Variants in SLC18B1 observed in about 807,000 individuals in gnomAD.
SLC18B1 encodes solute carrier family 18 member B1.
In SLC18B1, 62 loss-of-function variants were observed where a neutral mutation model predicts 53.9. That is an observed-to-expected ratio of 1.15 (90% confidence interval 0.94 to 1.42). The LOEUF (loss-of-function observed/expected upper bound fraction) is 1.42, where lower values mean the gene tolerates loss of function less well. Among genes scored for constraint, SLC18B1 ranks in the 40% most tolerant of loss-of-function variants. SLC18B1 has a pLI of 0.00. For synonymous variants in SLC18B1, 217 were observed against 200.9 expected (o/e 1.08, Z -0.68); for missense variants, 598 against 547.3 (o/e 1.09, Z -0.93).
chr6:132,786,840 A>G (rs979797160), intron 5 of SLC18B1, among the ~76,000 whole-genome samples: 4 of 152,246 alleles, frequency 2.6e-5, no homozygotes, highest in African/African-American at 9.6e-5. Context: ...TGAGAATCTG[A>G]TATGTCACTA....
chr6:132,792,292 G>GAAAGAAAGAAAGAAGGA (rs1781559322), intron 2 of SLC18B1, among the ~76,000 whole-genome samples: 1 of 31,594 alleles, frequency 3.2e-5, no homozygotes, highest in Non-Finnish European at 5.6e-5. Flanking sequence ...AGGAAGAAAG[G>GAAAGAAAGAAAGAAGGA]AAGGAAGGAA....
intron 2 of SLC18B1, among the ~76,000 whole-genome samples, chr6:132,793,407 C>T (rs1267482347): frequency 1.3e-5 from 2 of 152,212 alleles, no homozygotes; most frequent in Non-Finnish European, 2.9e-5. Context: ...CTCTCTCCTG[C>T]CTCTATCTCC....
chr6:132,784,164 A>C (rs7762248), intron 5 of SLC18B1, 75 bp from the exon 6 acceptor site: 81,937 of 1,252,940 alleles, frequency 0.065, 4,962 homozygotes, highest in African/African-American at 0.31. Context: ...CTTTAAAAAA[A>C]TTTCTATCTT....
Position 132,783,997 on chromosome 6 carries a change from A to G in SLC18B1, c.594T>C (p.Phe198=), listed in dbSNP as rs778709465. The part of the protein sequence containing the change: ...LYQSFGYEVP[F]IVLGCVVLLM... ...GCAAAACGACGCATCCCAGAACAAT[A>G]AAAGGCACTTCATAGCCAAAGGATT... Residue 198 remains phenylalanine (F), a synonymous_variant, in exon 6 of 14, where the codon TTT becomes TTC. Coordinates refer to ENST00000275227, the MANE Select transcript of SLC18B1 (RefSeq NM_052831.3). 7.4e-6 allele frequency: 12 copies of G among 1,611,004 alleles called. No homozygotes were observed. The East Asian group carries it at 2.5e-4, about 33-fold the overall frequency.
Position 132,779,353 on chromosome 6 carries a change from A to G in SLC18B1, c.710T>C (p.Val237Ala), listed in dbSNP as rs747717785. 2 of 1,614,038 alleles carry G rather than the reference A, an allele frequency of 1.2e-6. No individual in the cohort carries two copies. Among genetic ancestry groups the G allele is most frequent in the South Asian group, 1.1e-5 (1 of 91,068 alleles). Reference protein sequence around the residue: ...SFWKLIALPKVGLIAFVINSL... With the variant: ...SFWKLIALPKAGLIAFVINSL... ...GTTGATGACGAAGGCTATAAGGCCA[A>G]CTTTGGGTAAAGCGATCAGTTTCCA... is the stretch of plus-strand genomic sequence containing the variant. Residue 237 changes from valine (V) to alanine (A), a missense_variant, in exon 7 of 14, where the codon GTT becomes GCT. Physicochemically the swap from Val to Ala is moderately conservative, Grantham distance 64. Transcript: ENST00000275227.
At chr6:132,795,565 TTTTGTAACACACAGAA>T (rs1216924454) in intron 2 of SLC18B1, among the ~76,000 whole-genome samples, 4 of 152,234 alleles carry the variant, frequency 2.6e-5, no homozygotes, top group African/African-American at 9.6e-5. Flanking sequence ...CTTTATCTTC[TTTTGTAACACACAGAA>T]CGAAGGACTA....
intron 13 of SLC18B1, 31 bp downstream of exon 13, chr6:132,770,859 G>T: frequency 6.3e-7 from 1 of 1,583,840 alleles, no homozygotes; most frequent in Non-Finnish European, 8.6e-7. Flanking sequence ...AACTTTTAAA[G>T]AGAGAAAAAA....
intron 6 of SLC18B1, 34 bp from the exon 7 acceptor site, chr6:132,779,438 T>A (rs754719893): frequency 3.8e-6 from 6 of 1,561,776 alleles, no homozygotes; most frequent in South Asian, 3.5e-5. Context: ...AAAAAAAAAA[T>A]GAAAGCAATT....
Position 132,771,030 on chromosome 6 carries a change from A to G in SLC18B1, c.1254+6T>C. The stretch of plus-strand genomic sequence containing the variant: ...GGAAAATGCAAATAAAAGACTGATT[A>G]CTCACACTTATCAGAGCCCATAGAC... On this transcript the variant is annotated splice_donor_region_variant and intron_variant, in intron 12 of 13. Coordinates refer to ENST00000275227, the MANE Select transcript of SLC18B1 (RefSeq NM_052831.3). 2 of 1,611,844 alleles carry G rather than the reference A, an allele frequency of 1.2e-6. No individual in the cohort carries two copies. The highest frequency in any genetic ancestry group is 1.7e-5 in the Admixed American group (1 of 59,356).
At position 132,769,456 on chromosome 6, in the gene SLC18B1, T is replaced by C. The variant is rs1018154488; in HGVS notation, c.*814A>G. 8 of 152,100 alleles carry C rather than the reference T, an allele frequency of 5.3e-5. No homozygotes were observed. In the East Asian group the frequency reaches 1.5e-3, roughly 29 times the overall value. 9.4% of individuals were successfully genotyped at this position (152,100 alleles called of 1,614,324 possible). ...AAGCCCTTCCCTAACAAAACAAGCA[T>C]TCGCATTAGGGGAAGGAGGCTGACC... On this transcript the variant is annotated 3_prime_UTR_variant, in exon 14 of 14. Transcript: ENST00000275227.
intron 4 of SLC18B1, among the ~76,000 whole-genome samples, chr6:132,788,828 G>GA (rs1158922120): frequency 0.18 from 12,444 of 70,276 alleles, 1,640 homozygotes; most frequent in African/African-American, 0.4. Flanking sequence ...ATCTCAAAAA[G>GA]AAAAAAAAAA....
chr6:132,785,121 G>T (rs1162829546), intron 5 of SLC18B1, among the ~76,000 whole-genome samples: 1 of 84,934 alleles, frequency 1.2e-5, no homozygotes, highest in Non-Finnish European at 2.2e-5. Flanking sequence ...CTCTCTCAGT[G>T]TGTGTGTGTG....
chr6:132,794,904 T>C (rs1781632419), intron 2 of SLC18B1, among the ~76,000 whole-genome samples: 1 of 152,252 alleles, frequency 6.6e-6, no homozygotes, highest in East Asian at 1.9e-4. Flanking sequence ...CTCAGGGGGC[T>C]GAGGCGAAAG....
chr6:132,777,553 A>G (rs1177279259), intron 7 of SLC18B1, among the ~76,000 whole-genome samples: 2 of 152,096 alleles, frequency 1.3e-5, no homozygotes, highest in East Asian at 1.9e-4. Flanking sequence ...TTCTACTAAA[A>G]CTACAGAAAA....
chr6:132,793,077 T>C (rs1781590751), intron 2 of SLC18B1, among the ~76,000 whole-genome samples: 1 of 152,120 alleles, frequency 6.6e-6, no homozygotes, highest in South Asian at 2.1e-4. Context: ...GCTGAGACGA[T>C]GCCGCAGCAC....
chr6:132,789,771 G>T lies in SLC18B1; in HGVS notation c.346C>A (p.Leu116Ile). The change falls in exon 4 of 14, where the codon CTC (leucine) becomes ATC (isoleucine). Residue 116 changes from leucine (L) to isoleucine (I), a missense_variant. Physicochemically the swap from Leu to Ile is conservative, Grantham distance 5 (BLOSUM62 2). Coordinates refer to ENST00000275227, the MANE Select transcript of SLC18B1 (RefSeq NM_052831.3). ...GMFVSGGVTILFGVLDRVPDG... is the reference protein window; with the variant it reads ...GMFVSGGVTIIFGVLDRVPDG... ...AATCAGAAAATGACTTACCCAAAGA[G>T]AATTGTAACTCCTCCTGAGACAAAC... 6.2e-7 allele frequency: 1 copy of T among 1,611,596 alleles called. No homozygotes were observed. The highest frequency in any genetic ancestry group is 8.5e-7 in the Non-Finnish European group (1 of 1,177,830).
At chr6:132,777,848 A>G (rs923727501) in intron 7 of SLC18B1, among the ~76,000 whole-genome samples, 1 of 152,260 alleles carries the variant, frequency 6.6e-6, no homozygotes, top group African/African-American at 2.4e-5. Context: ...CAGGTTGTTG[A>G]TGATCTAAAT....
chr6:132,771,319 T>G (rs921248733), intron 11 of SLC18B1, among the ~76,000 whole-genome samples, 190 bp from the exon 12 acceptor site: 20 of 152,196 alleles, frequency 1.3e-4, no homozygotes, highest in Non-Finnish European at 2.9e-5. Flanking sequence ...TTCAAAATTT[T>G]TTAACAATTT....
At chr6:132,779,173 G>T in intron 7 of SLC18B1, 95 bp downstream of exon 7, 1 of 1,439,148 alleles carries the variant, frequency 6.9e-7, no homozygotes, top group Non-Finnish European at 9.5e-7. Context: ...TCTTCTCCCA[G>T]CCACGCAAGG....
Sources: gnomAD v4.1 joint callset for allele counts (sites outside exome capture counted in the v4.1 genomes callset) on GRCh38, gnomAD v4.1.1 for gene constraint, MANE v1.5 for transcripts, NCBI Gene and HGNC (gene_info 2026-07-23, HGNC 2026-07-21) for gene names.